RBFOX1: variants seen among roughly 807,000 people sequenced by gnomAD.
The protein encoded by RBFOX1 is RNA binding protein fox-1 homolog 1.
A neutral mutation model predicts 57.7 loss-of-function variants in RBFOX1; 8 were observed. The observed-to-expected ratio is 0.14, with a 90% CI of 0.08 to 0.25. RBFOX1 has a LOEUF of 0.25. Among genes scored for constraint, RBFOX1 ranks in the 10% least tolerant of loss-of-function variants. The probability of loss-of-function intolerance (pLI) is 1.00; values close to 1 mark genes in which losing one functional copy is unlikely to be tolerated. For synonymous variants in RBFOX1, 326 were observed against 222.4 expected, an observed-to-expected ratio of 1.47 and a Z score of -4.15; for missense variants, 611 against 548.5, an observed-to-expected ratio of 1.11 and a Z score of -1.14.
chr16:5,646,801 AT>A (rs2049069173), intron 3 of RBFOX1, among the ~76,000 whole-genome samples: 1 of 151,502 alleles, frequency 6.6e-6, no homozygotes, highest in African/African-American at 2.4e-5. Flanking sequence ...CGCTTGGCTA[AT>A]TTTTATATTT....
intron 3 of RBFOX1, among the ~76,000 whole-genome samples, chr16:6,999,062 T>C (rs2092527681): frequency 6.6e-6 from 1 of 151,106 alleles, no homozygotes; most frequent in Non-Finnish European, 1.5e-5. Flanking sequence ...AGAGACAGGG[T>C]TTCACCATGT....
At chr16:5,868,304 C>T (rs2057389986) in intron 4 of RBFOX1, among the ~76,000 whole-genome samples, 1 of 151,996 alleles carries the variant, frequency 6.6e-6, no homozygotes, top group Non-Finnish European at 1.5e-5. Context: ...GAACCCTAAG[C>T]ATGTGGAGGT....
rs1281683408 is a variant in RBFOX1, at chr16:6,612,317, A to G, written c.-63-42286A>G. Among the ~76,000 whole-genome samples the G allele has an allele frequency of 2.0e-5, 3 of 152,214 alleles. No individual in the cohort carries two copies. In the South Asian group the frequency reaches 6.2e-4, roughly 32 times the overall value. ...ACTAAGAAACCAACTTTGGGATGAT[A>G]TTACAAACTAAACTGCAGGCATACG... is the stretch of plus-strand genomic sequence containing the variant. On this transcript the variant is annotated intron_variant, in intron 2 of 15. Transcript: ENST00000550418.
intron 3 of RBFOX1, among the ~76,000 whole-genome samples, chr16:6,772,059 C>CTGTA (rs2078386642): frequency 6.6e-6 from 1 of 152,124 alleles, no homozygotes; most frequent in Admixed American, 6.5e-5. Flanking sequence ...CTATGAGGTG[C>CTGTA]TGTATGATTT....
At chr16:5,339,945 C>G (rs1056836585) in intron 1 of RBFOX1, among the ~76,000 whole-genome samples, 1 of 152,094 alleles carries the variant, frequency 6.6e-6, no homozygotes, top group African/African-American at 2.4e-5. Flanking sequence ...TCCCATCAGT[C>G]TGAGGCATGA....
At chr16:5,785,531 C>G (rs867605737) in intron 3 of RBFOX1, among the ~76,000 whole-genome samples, 6 of 151,322 alleles carry the variant, frequency 4.0e-5, no homozygotes, top group Middle Eastern at 3.4e-3. Context: ...TTCTTTCTTT[C>G]TTTTTCTTTT....
chr16:6,698,633 G>A (rs572653068), intron 3 of RBFOX1, among the ~76,000 whole-genome samples: 6 of 152,102 alleles, frequency 3.9e-5, no homozygotes, highest in South Asian at 2.1e-4. Flanking sequence ...GTTATTCACC[G>A]AGGCAGACGT....
At chr16:5,768,924 A>G (rs1393846066) in intron 3 of RBFOX1, among the ~76,000 whole-genome samples, 4 of 152,100 alleles carry the variant, frequency 2.6e-5, no homozygotes, top group African/African-American at 4.8e-5. Context: ...TAAGTGGTTT[A>G]GATTATCAGA....
chr16:6,163,435 A>G (rs753381567), intron 1 of RBFOX1, among the ~76,000 whole-genome samples: 13 of 152,224 alleles, frequency 8.5e-5, no homozygotes, highest in African/African-American at 3.1e-4. Context: ...CATTGTTGTT[A>G]TAGCCCTTGG....
chr16:5,727,751 TATC>T (rs2052207041), intron 3 of RBFOX1, among the ~76,000 whole-genome samples: 1 of 152,298 alleles, frequency 6.6e-6, no homozygotes, highest in Admixed American at 6.5e-5. Flanking sequence ...ACAGTGGTGT[TATC>T]ATGGCTCACT....
intron 5 of RBFOX1, among the ~76,000 whole-genome samples, chr16:7,537,685 C>G (rs942837037): frequency 2.2e-4 from 33 of 152,270 alleles, no homozygotes; most frequent in African/African-American, 7.5e-4. Context: ...TGGCTTCTAA[C>G]GTGATTTCAT....
At chr16:5,529,647 A>G (rs564808217) in intron 2 of RBFOX1, among the ~76,000 whole-genome samples, 60 of 151,404 alleles carry the variant, frequency 4.0e-4, no homozygotes, top group African/African-American at 1.3e-3. Context: ...GCTCACTGCA[A>G]TCTCCACCTC....
At chr16:7,488,116 A>T (rs1468386707) in intron 4 of RBFOX1, among the ~76,000 whole-genome samples, 1 of 152,118 alleles carries the variant, frequency 6.6e-6, no homozygotes, top group African/African-American at 2.4e-5. Context: ...CTGGAGTGCT[A>T]ATCCTCTTGC....
intron 3 of RBFOX1, among the ~76,000 whole-genome samples, chr16:6,780,799 A>C (rs1377808204): frequency 6.6e-6 from 1 of 151,720 alleles, no homozygotes; most frequent in Non-Finnish European, 1.5e-5. Flanking sequence ...CTTCTTGAGA[A>C]TTGTCTATTC....
intron 3 of RBFOX1, among the ~76,000 whole-genome samples, chr16:5,668,095 A>T (rs1255301846): frequency 6.6e-6 from 1 of 152,206 alleles, no homozygotes; most frequent in African/African-American, 2.4e-5. Context: ...AACCTGATCA[A>T]TATCGTGAAA....
chr16:5,382,046 C>T (rs1328381780), intron 1 of RBFOX1, among the ~76,000 whole-genome samples: 1 of 152,192 alleles, frequency 6.6e-6, no homozygotes, highest in East Asian at 1.9e-4. Flanking sequence ...CCAGACATTG[C>T]CAGATGCCCC....
At chr16:7,585,640 T>TCC (rs1225010139) in intron 6 of RBFOX1, among the ~76,000 whole-genome samples, 1 of 152,224 alleles carries the variant, frequency 6.6e-6, no homozygotes, top group Non-Finnish European at 1.5e-5. Flanking sequence ...GGTTACTTTG[T>TCC]CCCATAGTCA....
chr16:6,545,571 G>A (rs947851018), intron 2 of RBFOX1, among the ~76,000 whole-genome samples: 5 of 152,058 alleles, frequency 3.3e-5, no homozygotes, highest in African/African-American at 4.8e-5. Context: ...CTGCAGAAAC[G>A]CAATTCCCAA....
chr16:7,683,086 G>C (rs867422641), intron 14 of RBFOX1, among the ~76,000 whole-genome samples: 1 of 75,950 alleles, frequency 1.3e-5, no homozygotes, highest in African/African-American at 5.8e-5. Context: ...CAAAAAATTA[G>C]GATAACTAAG....
Sources: allele counts gnomAD v4.1 joint callset (sites outside exome capture counted in the v4.1 genomes callset), GRCh38; gene constraint gnomAD v4.1.1; transcripts MANE v1.5; gene names NCBI Gene and HGNC (gene_info 2026-07-23, HGNC 2026-07-21).